Variants in ASIC2 observed in about 807,000 individuals in gnomAD.
ASIC2 encodes the protein acid sensing ion channel subunit 2.
In ASIC2, 25 loss-of-function variants were observed where a neutral mutation model predicts 57.3. The ratio of observed to expected loss-of-function variants is 0.44; its 90% CI spans 0.32 to 0.61. The LOEUF is 0.61. Ranked by LOEUF, ASIC2 falls within the 20% of genes least tolerant of loss-of-function variation. ASIC2 has a pLI of 0.06. For missense variants in ASIC2, 641 were observed against 738.1 expected (o/e 0.87, Z 1.52); for synonymous variants, 319 against 307.5 (o/e 1.04, Z -0.39).
At chr17:33,444,025 T>C (rs889206907) in intron 1 of ASIC2, among the ~76,000 whole-genome samples, 4 of 152,206 alleles carry the variant, frequency 2.6e-5, no homozygotes, top group African/African-American at 7.2e-5. Flanking sequence ...TTGGTTTTCA[T>C]GGGCAGCAAA....
upstream of ASIC2, among the ~76,000 whole-genome samples, chr17:33,293,982 G>T (rs866489273): frequency 6.6e-6 from 1 of 152,056 alleles, no homozygotes; most frequent in Non-Finnish European, 1.5e-5. Context: ...TGCGAGCAGG[G>T]TAGGCTCAGT....
chr17:33,250,498 G>T (rs770027780), intron 1 of ASIC2, among the ~76,000 whole-genome samples: 3 of 152,228 alleles, frequency 2.0e-5, no homozygotes, highest in Admixed American at 6.5e-5. Flanking sequence ...AGAACAAGAA[G>T]AGGCCTTGGC....
intron 1 of ASIC2, among the ~76,000 whole-genome samples, chr17:33,559,866 A>C (rs2141982956): frequency 6.6e-6 from 1 of 152,354 alleles, no homozygotes. Context: ...TGAATGAACA[A>C]GAAATAACAT....
chr17:33,923,616 C>G (rs139240735), intron 1 of ASIC2, among the ~76,000 whole-genome samples: 2 of 152,212 alleles, frequency 1.3e-5, no homozygotes, highest in Non-Finnish European at 1.5e-5. Context: ...CTCTTATACA[C>G]TTTCCATGTT....
At chr17:33,385,957 C>T (rs901143975) in intron 1 of ASIC2, among the ~76,000 whole-genome samples, 10 of 152,156 alleles carry the variant, frequency 6.6e-5, no homozygotes, top group Non-Finnish European at 1.2e-4. Context: ...ACCCACCTGC[C>T]GGACTGCTCC....
chr17:33,579,511 C>T (rs1254063072), intron 1 of ASIC2, among the ~76,000 whole-genome samples: 2 of 152,060 alleles, frequency 1.3e-5, no homozygotes, highest in African/African-American at 4.8e-5. Flanking sequence ...CCAGAATTGT[C>T]TCCTCCTGGT....
At chr17:33,872,681 C>G (rs969053062) in intron 1 of ASIC2, among the ~76,000 whole-genome samples, 1 of 152,066 alleles carries the variant, frequency 6.6e-6, no homozygotes, top group Non-Finnish European at 1.5e-5. Flanking sequence ...CCCTTAAGAC[C>G]CCCAGTAATC....
At chr17:33,244,266 A>G (rs1214767273) in intron 1 of ASIC2, among the ~76,000 whole-genome samples, 1 of 152,146 alleles carries the variant, frequency 6.6e-6, no homozygotes, top group Non-Finnish European at 1.5e-5. Context: ...ACAACTGTGT[A>G]TTTGCCTGCT....
chr17:33,322,947 T>C (rs1435795486), intron 1 of ASIC2, among the ~76,000 whole-genome samples: 2 of 152,150 alleles, frequency 1.3e-5, no homozygotes, highest in East Asian at 1.9e-4. Context: ...ATTTAGTACA[T>C]GGTATGATAA....
chr17:33,025,780 C>T (rs761474266), intron 5 of ASIC2, 146 bp downstream of exon 5: 49 of 713,048 alleles, frequency 6.9e-5, no homozygotes, highest in Non-Finnish European at 1.0e-4. Context: ...CCCATCCCTG[C>T]AGCAACTCCA....
chr17:33,392,011 T>C (rs929367485), intron 1 of ASIC2, among the ~76,000 whole-genome samples: 1 of 152,280 alleles, frequency 6.6e-6, no homozygotes, highest in African/African-American at 2.4e-5. Flanking sequence ...CCAAAACCGC[T>C]CCTCTGGTCT....
At chr17:33,479,075 T>G (rs1011505481) in intron 1 of ASIC2, among the ~76,000 whole-genome samples, 2 of 151,436 alleles carry the variant, frequency 1.3e-5, no homozygotes, top group African/African-American at 4.9e-5. Flanking sequence ...CTCGGCTCAC[T>G]GCAGCCTCTG....
intron 1 of ASIC2, among the ~76,000 whole-genome samples, chr17:34,046,707 C>T (rs1908351723): frequency 6.6e-6 from 1 of 152,188 alleles, no homozygotes; most frequent in Non-Finnish European, 1.5e-5. Context: ...GAATGGGAAA[C>T]ATAGCAGCTG....
chr17:33,233,630 T>G (rs1189703246), intron 1 of ASIC2, among the ~76,000 whole-genome samples: 1 of 152,076 alleles, frequency 6.6e-6, no homozygotes, highest in Non-Finnish European at 1.5e-5. Context: ...GTTTTTTTTT[T>G]TCTGAACGGC....
chr17:33,031,790 T>A (rs192596606), intron 3 of ASIC2, among the ~76,000 whole-genome samples: 46 of 152,350 alleles, frequency 3.0e-4, no homozygotes, highest in African/African-American at 1.1e-3. Flanking sequence ...ATTAGGCATA[T>A]ACATATTTAG....
chr17:34,099,373 AAG>A (rs1198221304), intron 1 of ASIC2, among the ~76,000 whole-genome samples: 1 of 140,626 alleles, frequency 7.1e-6, no homozygotes, highest in Non-Finnish European at 1.6e-5. Flanking sequence ...GAAGGAAAGA[AAG>A]AAAAAAGAGA....
intron 1 of ASIC2, among the ~76,000 whole-genome samples, chr17:33,194,169 C>T (rs1011639811): frequency 2.0e-5 from 3 of 152,330 alleles, no homozygotes; most frequent in African/African-American, 7.2e-5. Context: ...AGCCTCCTGA[C>T]TTTTTGCTCA....
chr17:33,303,073 T>G (rs1268000182), intron 1 of ASIC2, among the ~76,000 whole-genome samples: 1 of 152,190 alleles, frequency 6.6e-6, no homozygotes, highest in Non-Finnish European at 1.5e-5. Context: ...GAAATGAGTC[T>G]CAGAGAGGTA....
At chr17:33,941,548 G>T (rs1042348807) in intron 1 of ASIC2, among the ~76,000 whole-genome samples, 2 of 152,178 alleles carry the variant, frequency 1.3e-5, no homozygotes, top group South Asian at 4.1e-4. Flanking sequence ...ACTTAGAGAT[G>T]CAGCTATATC....
Sources: allele counts gnomAD v4.1 joint callset (sites outside exome capture counted in the v4.1 genomes callset), GRCh38; gene constraint gnomAD v4.1.1; transcripts MANE v1.5; gene names NCBI Gene and HGNC (gene_info 2026-07-23, HGNC 2026-07-21).